SHB: variants seen among roughly 807,000 people sequenced by gnomAD.
The protein encoded by SHB is SH2 domain containing adaptor protein B.
Under a neutral mutation model 52.3 loss-of-function variants are expected in SHB, and 20 were observed. The ratio of observed to expected loss-of-function variants is 0.38; its 90% CI spans 0.27 to 0.56. The LOEUF is 0.56. SHB is among the 20% of genes least tolerant of loss of function. The pLI is 0.71. For synonymous variants in SHB, 397 were observed against 316.5 expected, an observed-to-expected ratio of 1.25 and a Z score of -2.70; for missense variants, 825 against 723.3, an observed-to-expected ratio of 1.14 and a Z score of -1.61.
At chr9:38,007,131 T>A (rs1169894544) in intron 2 of SHB, among the ~76,000 whole-genome samples, 1 of 152,200 alleles carries the variant, frequency 6.6e-6, no homozygotes, top group African/African-American at 2.4e-5. Flanking sequence ...ACATGGCAGG[T>A]GCTCACAAAT....
In SHB at chr9:38,015,082, C is replaced by A. The variant is rs949857583; in HGVS notation, c.838+929G>T. ...TGATAGGCCTCCAAAGCCCAGGCAG[C>A]CCCAAACTTGCTCCCAGCCACTCTC... is the stretch of plus-strand genomic sequence containing the variant. On this transcript the variant is annotated intron_variant, in intron 2 of 5. Coordinates refer to ENST00000377707, the MANE Select transcript of SHB (RefSeq NM_003028.3). Among the ~76,000 whole-genome samples, 6 of 152,232 alleles carry A rather than the reference C, an allele frequency of 3.9e-5. No homozygotes were observed. In the South Asian group the frequency reaches 1.2e-3, roughly 32 times the overall value.
rs541952263 is a variant in SHB at position 37,944,414 on chromosome 9, T to C, written c.1346+4221A>G. ...CCCTAAATCCCTTCTGGGTGTCAGT[T>C]TCCCCACCCCCATGAGGCAAAGGGA... is the stretch of plus-strand genomic sequence containing the variant. On this transcript the variant is annotated intron_variant, in intron 5 of 5. Transcript: ENST00000377707. Among the ~76,000 whole-genome samples, 13 of 152,224 alleles carry C rather than the reference T, an allele frequency of 8.5e-5. 1 individual carries two copies. In the South Asian group the frequency reaches 2.7e-3, roughly 32 times the overall value.
At chr9:38,046,880 C>T (rs534128954) in intron 1 of SHB, among the ~76,000 whole-genome samples, 142 of 152,310 alleles carry the variant, frequency 9.3e-4, no homozygotes, top group African/African-American at 3.2e-3. Flanking sequence ...CAGGAACCTG[C>T]GGTCTGGAGA....
intron 5 of SHB, among the ~76,000 whole-genome samples, chr9:37,934,819 A>G (rs1832350298): frequency 6.6e-6 from 1 of 152,186 alleles, no homozygotes; most frequent in Admixed American, 6.5e-5. Context: ...TTGCTCCCTA[A>G]TGAAATTGAT....
intron 2 of SHB, among the ~76,000 whole-genome samples, chr9:37,979,868 T>C (rs1034748216): frequency 6.6e-6 from 1 of 152,190 alleles, no homozygotes; most frequent in Non-Finnish European, 1.5e-5. Context: ...CACACAAAAG[T>C]TATATTTATA....
At chr9:37,921,750 T>C (rs1032587808) in intron 5 of SHB, among the ~76,000 whole-genome samples, 1 of 152,252 alleles carries the variant, frequency 6.6e-6, no homozygotes. Flanking sequence ...GGAAACGGCA[T>C]GTGTGTTACA....
chr9:37,994,557 G>T (rs1490955103), intron 2 of SHB, among the ~76,000 whole-genome samples: 2 of 152,246 alleles, frequency 1.3e-5, no homozygotes, highest in South Asian at 2.1e-4. Flanking sequence ...ATTTGCCCCA[G>T]TAGAGACTTG....
chr9:38,020,948 C>T (rs1240023998), intron 1 of SHB, among the ~76,000 whole-genome samples: 2 of 152,144 alleles, frequency 1.3e-5, no homozygotes, highest in African/African-American at 2.4e-5. Context: ...GGAAGATCAC[C>T]CGGCTACAGG....
rs533980151 is a variant in SHB at position 38,058,667 on chromosome 9, C to T, written c.717+9262G>A. Among the ~76,000 whole-genome samples the T allele has an allele frequency of 8.5e-5, 13 of 152,248 alleles. No individual in the cohort carries two copies. In the South Asian group the frequency reaches 1.0e-3, roughly 12 times the overall value. Reference sequence around the variant, plus strand: ...AGGCCTCTTCAATGCTTGTGAGTTCCGACATCCTCTGCCCCACACCTCTCA... The same window carrying T: ...AGGCCTCTTCAATGCTTGTGAGTTCTGACATCCTCTGCCCCACACCTCTCA... On this transcript the variant is annotated intron_variant, in intron 1 of 5. Coordinates refer to ENST00000377707, the MANE Select transcript of SHB (RefSeq NM_003028.3).
At chr9:38,044,869 G>A (rs1451677844) in intron 1 of SHB, among the ~76,000 whole-genome samples, 1 of 152,242 alleles carries the variant, frequency 6.6e-6, no homozygotes, top group East Asian at 1.9e-4. Context: ...TGGCTCTCCA[G>A]GAGCCATGAC....
At chr9:38,058,391 C>T (rs562683868) in intron 1 of SHB, among the ~76,000 whole-genome samples, 29 of 152,354 alleles carry the variant, frequency 1.9e-4, no homozygotes, top group African/African-American at 5.8e-4. Context: ...GGGGCCAAAA[C>T]CCTGCAGCCA....
chr9:37,953,705 G>A (rs1832593833), intron 4 of SHB, among the ~76,000 whole-genome samples: 1 of 152,170 alleles, frequency 6.6e-6, no homozygotes, highest in South Asian at 2.1e-4. Flanking sequence ...CTAGGGTGGA[G>A]GAGAGGTTCA....
At chr9:37,932,905 G>A (rs1049328438) in intron 5 of SHB, among the ~76,000 whole-genome samples, 2 of 152,202 alleles carry the variant, frequency 1.3e-5, no homozygotes, top group Non-Finnish European at 2.9e-5. Context: ...ATGAGGTACT[G>A]CATCTAGCTC....
chr9:38,037,960 A>T lies in SHB; in HGVS notation c.718-21829T>A, dbSNP rs550168011. On this transcript the variant is annotated intron_variant, in intron 1 of 5. Transcript: ENST00000377707. ...GTCACACTCTAACAAGATTTTTTTT[A>T]AAATCTGGCTCTCTTCCTACTGACT... 3.6e-3 allele frequency among the ~76,000 whole-genome samples: 548 copies of T among 152,152 alleles called. 4 individuals carry two copies. Among genetic ancestry groups the T allele is most frequent in the African/African-American group, 0.012 (503 of 41,536 alleles).
chr9:38,068,228 A>C lies in SHB; in HGVS notation c.418T>G (p.Cys140Gly). The C allele has an allele frequency of 3.6e-6, 5 of 1,397,330 alleles. No individual in the cohort carries two copies. Among genetic ancestry groups the C allele is most frequent in the Non-Finnish European group, 4.6e-6 (5 of 1,088,186 alleles). The allele number at this position is 1,397,330 out of a possible 1,614,324, so 86.6% of individuals were successfully genotyped here. Residue 140 changes from cysteine (C) to glycine (G), a missense_variant, in exon 1 of 6, where the codon TGC becomes GGC. Cys to Gly is a radical substitution (Grantham distance 159). Transcript: ENST00000377707. ...GCCCCCGCGCCCGAGGAGGCGCAGCAACAGCCCGCGGCGCCCGACGCGGAC... is the reference window on the plus strand; with the variant it reads ...GCCCCCGCGCCCGAGGAGGCGCAGCCACAGCCCGCGGCGCCCGACGCGGAC... ...ASSASGAAGCCCASSGAGAAA... is the reference protein window; with the variant it reads ...ASSASGAAGCGCASSGAGAAA...
chr9:37,992,399 C>T (rs956963215), intron 2 of SHB, among the ~76,000 whole-genome samples: 3 of 152,000 alleles, frequency 2.0e-5, no homozygotes, highest in Non-Finnish European at 2.9e-5. Flanking sequence ...GAAATTCCAT[C>T]TCAAAAAAAT....
At chr9:37,962,931 G>A (rs569767375) in intron 3 of SHB, among the ~76,000 whole-genome samples, 49 of 152,294 alleles carry the variant, frequency 3.2e-4, no homozygotes, top group Non-Finnish European at 5.7e-4. Context: ...TACTGCCCTC[G>A]TTTTTAAAAG....
intron 2 of SHB, among the ~76,000 whole-genome samples, chr9:38,008,321 G>A (rs1187045503): frequency 2.0e-5 from 3 of 152,200 alleles, no homozygotes; most frequent in Non-Finnish European, 4.4e-5. Flanking sequence ...TTCTCTCCCC[G>A]CCCACAGCTC....
At position 37,917,473 on chromosome 9, in the gene SHB, C is replaced by T. The variant is rs989359449; in HGVS notation, c.*2348G>A. Among the ~76,000 whole-genome samples, 5 of 152,188 alleles carry T rather than the reference C, an allele frequency of 3.3e-5. No homozygotes were observed. Among genetic ancestry groups the T allele is most frequent in the African/African-American group, 1.2e-4 (5 of 41,442 alleles). ...GGGAAGATGGTCTACAGGGAAGGACCGTGAGGTGCGGCCCCACCCAGCAGC... is the reference window on the plus strand; with the variant it reads ...GGGAAGATGGTCTACAGGGAAGGACTGTGAGGTGCGGCCCCACCCAGCAGC... On this transcript the variant is annotated 3_prime_UTR_variant, in exon 6 of 6. Transcript: ENST00000377707.
Sources: allele counts gnomAD v4.1 joint callset (sites outside exome capture counted in the v4.1 genomes callset), GRCh38; gene constraint gnomAD v4.1.1; transcripts MANE v1.5; gene names NCBI Gene and HGNC (gene_info 2026-07-23, HGNC 2026-07-21).